The following AGMO variants were observed in gnomAD, a reference collection of about 807,000 sequenced individuals.
AGMO encodes the protein alkylglycerol monooxygenase.
A neutral mutation model predicts 60.2 loss-of-function variants in AGMO; 75 were observed. That is an observed-to-expected ratio of 1.25 (90% CI 1.03 to 1.51). AGMO has a LOEUF of 1.51. AGMO is among the 40% of genes most tolerant of loss of function. AGMO has a pLI of 0.00. For synonymous variants in AGMO, 261 were observed against 177.1 expected, an observed-to-expected ratio of 1.47 and a Z score of -3.76; for missense variants, 763 against 525.5, an observed-to-expected ratio of 1.45 and a Z score of -4.42.
At chr7:15,306,662 C>G (rs763329611) in intron 12 of AGMO, 1 of 341,734 alleles carries the variant, frequency 2.9e-6, no homozygotes, top group African/African-American at 2.2e-5. Context: ...ATTGTTAATG[C>G]TTCAAATAGT....
chr7:15,225,489 T>A (rs963176956), intron 12 of AGMO, among the ~76,000 whole-genome samples: 2 of 152,054 alleles, frequency 1.3e-5, no homozygotes, highest in East Asian at 3.9e-4. Flanking sequence ...GATTATAAAA[T>A]TGTGTGAAAA....
chr7:15,364,834 A>C (rs1308000163), intron 12 of AGMO, among the ~76,000 whole-genome samples: 1 of 152,086 alleles, frequency 6.6e-6, no homozygotes, highest in African/African-American at 2.4e-5. Flanking sequence ...TACATTGCAC[A>C]TTCTGGTGAT....
chr7:15,316,722 G>A (rs1033337267), intron 12 of AGMO, among the ~76,000 whole-genome samples: 6 of 152,202 alleles, frequency 3.9e-5, no homozygotes, highest in South Asian at 4.1e-4. Context: ...ATTTAGTAAC[G>A]TTTCCCCTCT....
chr7:15,322,731 T>C (rs1418294035), intron 12 of AGMO, among the ~76,000 whole-genome samples: 1 of 126,868 alleles, frequency 7.9e-6, no homozygotes, highest in East Asian at 2.1e-4. Flanking sequence ...TAAATATATA[T>C]ATAAATATAT....
chr7:15,513,082 G>C (rs1291434352), intron 3 of AGMO, among the ~76,000 whole-genome samples: 1 of 152,076 alleles, frequency 6.6e-6, no homozygotes, highest in Non-Finnish European at 1.5e-5. Flanking sequence ...TTCATAATCT[G>C]TGTCTGATAC....
the AGMO span, among the ~76,000 whole-genome samples, chr7:15,171,432 C>T: frequency 6.6e-6 from 1 of 152,222 alleles, no homozygotes; most frequent in Non-Finnish European, 1.5e-5. Flanking sequence ...AAAGTATACA[C>T]TTCTTTCCCC....
intron 2 of AGMO, among the ~76,000 whole-genome samples, chr7:15,559,126 T>A (rs1193603290): frequency 2.0e-5 from 3 of 152,152 alleles, no homozygotes; most frequent in Non-Finnish European, 4.4e-5. Context: ...CATTTATATC[T>A]TACTATTATT....
the AGMO span, among the ~76,000 whole-genome samples, chr7:15,172,213 A>G: frequency 6.6e-6 from 1 of 152,214 alleles, no homozygotes; most frequent in East Asian, 1.9e-4. Context: ...ATTCGTGGTC[A>G]CCCTTTGTGT....
In AGMO at chr7:15,335,198, A is replaced by G. The variant is rs868114704; in HGVS notation, c.1263+30316T>C. Among the ~76,000 whole-genome samples, 55 of 152,186 alleles carry G rather than the reference A, an allele frequency of 3.6e-4. 1 individual carries two copies. The highest frequency in any genetic ancestry group is 1.2e-3 in the African/African-American group (51 of 41,452). On this transcript the variant is annotated intron_variant, in intron 12 of 12. Transcript: ENST00000342526. The stretch of plus-strand genomic sequence containing the variant: ...TGATGGCATGAGTTTTCAGTGGGTT[A>G]GGATTAGATTTCTTTTCTTTGATAG...
intron 12 of AGMO, among the ~76,000 whole-genome samples, chr7:15,329,399 A>C (rs1255944459): frequency 1.3e-5 from 2 of 152,198 alleles, no homozygotes; most frequent in Non-Finnish European, 2.9e-5. Context: ...AGTGCAGAAA[A>C]AGAAACCCTT....
chr7:15,276,849 C>T (rs904948840), intron 12 of AGMO, among the ~76,000 whole-genome samples: 3 of 145,832 alleles, frequency 2.1e-5, no homozygotes, highest in African/African-American at 7.7e-5. Flanking sequence ...TGTGTAATTC[C>T]TTAAGTGAAT....
At chr7:15,394,276 T>G in intron 5 of AGMO, 97 bp from the exon 6 acceptor site, 5 of 948,476 alleles carry the variant, frequency 5.3e-6, no homozygotes, top group Non-Finnish European at 8.2e-6. Flanking sequence ...AATTAAGAGA[T>G]ATTGCGAATT....
chr7:15,189,975 T>A, the AGMO span, among the ~76,000 whole-genome samples: 1 of 150,718 alleles, frequency 6.6e-6, no homozygotes, highest in Non-Finnish European at 1.5e-5. Flanking sequence ...TTTGGGACCT[T>A]CCCTGCTGTT....
chr7:15,373,191 C>T lies in AGMO; in HGVS notation c.1075-6969G>A, dbSNP rs1389995571. Among the ~76,000 whole-genome samples, 3 of 151,860 alleles carry T rather than the reference C, an allele frequency of 2.0e-5. No individual in the cohort carries two copies. The East Asian group carries it at 5.8e-4, about 29-fold the overall frequency. ...TACTTGGGAGGTTAAGGCACAAGAA[C>T]TGATTGAAACTGGGAGGAGGTGGTT... On this transcript the variant is annotated intron_variant, in intron 10 of 12. Coordinates refer to ENST00000342526, the MANE Select transcript of AGMO (RefSeq NM_001004320.2).
intron 3 of AGMO, among the ~76,000 whole-genome samples, chr7:15,444,822 T>G (rs1007709302): frequency 1.3e-5 from 2 of 152,212 alleles, no homozygotes; most frequent in South Asian, 2.1e-4. Flanking sequence ...ACTCTAGACC[T>G]GATTTCCTTT....
intron 3 of AGMO, among the ~76,000 whole-genome samples, chr7:15,527,247 C>G (rs564714346): frequency 6.6e-6 from 1 of 152,114 alleles, no homozygotes; most frequent in Non-Finnish European, 1.5e-5. Flanking sequence ...TAGTGGATAT[C>G]CAGCAAAGAA....
rs1783479975 is a variant in AGMO, at chr7:15,376,925, G to C, written c.1074+8521C>G. Among the ~76,000 whole-genome samples, 3 of 151,658 alleles carry C rather than the reference G, an allele frequency of 2.0e-5. No homozygotes were observed. The South Asian group carries it at 6.2e-4, about 31-fold the overall frequency. ...ATGTGTCTCTTACACCTTTGTCGTG[G>C]CCATCAAATTGCTCTCTTGACTCCC... On this transcript the variant is annotated intron_variant, in intron 10 of 12. Coordinates refer to ENST00000342526, the MANE Select transcript of AGMO (RefSeq NM_001004320.2).
At chr7:15,297,807 A>G (rs1440316603) in intron 12 of AGMO, among the ~76,000 whole-genome samples, 3 of 152,178 alleles carry the variant, frequency 2.0e-5, no homozygotes, top group Non-Finnish European at 4.4e-5. Flanking sequence ...AGTTGACTGG[A>G]AAGTAGGCAA....
At chr7:15,171,662 A>T in the AGMO span, among the ~76,000 whole-genome samples, 1 of 152,216 alleles carries the variant, frequency 6.6e-6, no homozygotes, top group Non-Finnish European at 1.5e-5. Flanking sequence ...CATGTCATAA[A>T]TTATAATTTG....
Sources: gnomAD v4.1 joint callset for allele counts (sites outside exome capture counted in the v4.1 genomes callset) on GRCh38, gnomAD v4.1.1 for gene constraint, MANE v1.5 for transcripts, NCBI Gene and HGNC (gene_info 2026-07-23, HGNC 2026-07-21) for gene names.